Variants in MTFR1 observed in about 807,000 individuals in gnomAD.
The protein encoded by MTFR1 is mitochondrial fission regulator 1.
A neutral mutation model predicts 38.8 loss-of-function variants in MTFR1; 28 were observed. The observed-to-expected ratio is 0.72, with a 90% CI of 0.53 to 0.99. MTFR1 has a LOEUF of 0.99. MTFR1 is among the 50% of genes least tolerant of loss of function. The pLI is 0.00. For missense variants in MTFR1, 358 were observed against 395.5 expected, an observed-to-expected ratio of 0.91 and a Z score of 0.81; for synonymous variants, 145 against 137.0, an observed-to-expected ratio of 1.06 and a Z score of -0.41.
At chr8:65,676,980 G>A (rs527857075) in intron 2 of MTFR1, among the ~76,000 whole-genome samples, 3 of 150,934 alleles carry the variant, frequency 2.0e-5, no homozygotes, top group Admixed American at 6.6e-5. Flanking sequence ...GCATGTGCGC[G>A]CACACACACA....
intron 3 of MTFR1, among the ~76,000 whole-genome samples, chr8:65,741,704 G>A (rs1420916256): frequency 6.6e-6 from 1 of 152,194 alleles, no homozygotes; most frequent in Non-Finnish European, 1.5e-5. Context: ...TGAACAACGT[G>A]TCTGTTGCTA....
At chr8:65,658,965 G>A (rs992368596) in intron 1 of MTFR1, among the ~76,000 whole-genome samples, 7 of 152,126 alleles carry the variant, frequency 4.6e-5, no homozygotes, top group African/African-American at 1.7e-4. Flanking sequence ...AGGAGAAGCA[G>A]TATTCTAAAG....
Position 65,682,388 on chromosome 8 carries a change from A to G in MTFR1, c.102A>G (p.Arg34=). 1 of 1,572,838 alleles carries G rather than the reference A, an allele frequency of 6.4e-7. No individual in the cohort carries two copies. The highest frequency in any genetic ancestry group is 8.6e-7 in the Non-Finnish European group (1 of 1,158,878). The part of the protein sequence containing the change: ...LWSRKPYGSS[R]SIVRKIGTNL... ...CTAGGAAGCCATATGGTTCGTCTCG[A>G]AGTATCGTAAGGAAAATTGGTACTA... The change falls in exon 3 of 8, where the codon CGA becomes CGG. Residue 34 remains arginine, a synonymous_variant. Coordinates refer to ENST00000262146, the MANE Select transcript of MTFR1 (RefSeq NM_014637.4).
At chr8:65,684,587 G>A (rs936983298) in intron 3 of MTFR1, among the ~76,000 whole-genome samples, 10 of 151,648 alleles carry the variant, frequency 6.6e-5, no homozygotes, top group Non-Finnish European at 1.0e-4. Context: ...GTTTCTCCGT[G>A]TTGGCCAGGT....
In MTFR1 at chr8:65,707,024, A is replaced by G. The variant is rs1805798864; in HGVS notation, c.532A>G (p.Thr178Ala). 6.2e-7 allele frequency: 1 copy of G among 1,601,312 alleles called. No homozygotes were observed. The highest frequency in any genetic ancestry group is 1.7e-5 in the Admixed American group (1 of 57,474). Residue 178 changes from threonine to alanine, a missense_variant, in exon 6 of 8, where the codon ACC becomes GCC. Coordinates refer to ENST00000262146, the MANE Select transcript of MTFR1 (RefSeq NM_014637.4). ...QNLTAGDLDS[T>A]TFGTIPPHPP... ...TGTTTCTGTAGGTGACTTAGATTCT[A>G]CCACATTTGGTACCATACCACCACA...
chr8:65,685,020 A>AT (rs1354728427), intron 3 of MTFR1, among the ~76,000 whole-genome samples: 4 of 152,106 alleles, frequency 2.6e-5, no homozygotes, highest in Non-Finnish European at 4.4e-5. Context: ...AATAAAAAGC[A>AT]TTTTGTCTGC....
At chr8:65,702,005 C>G (rs1003940397) in intron 4 of MTFR1, among the ~76,000 whole-genome samples, 18 of 152,116 alleles carry the variant, frequency 1.2e-4, no homozygotes, top group African/African-American at 4.3e-4. Flanking sequence ...ATAGTATATT[C>G]AAGGGAGAAA....
chr8:65,658,557 A>G (rs561932438), intron 1 of MTFR1, among the ~76,000 whole-genome samples: 33 of 152,340 alleles, frequency 2.2e-4, no homozygotes, highest in African/African-American at 7.7e-4. Context: ...AGTCTAGAAT[A>G]TAAGCCTATA....
chr8:65,706,133 C>T (rs1360703664), intron 5 of MTFR1, among the ~76,000 whole-genome samples: 4 of 152,262 alleles, frequency 2.6e-5, no homozygotes, highest in South Asian at 2.1e-4. Context: ...GCACTCTGGG[C>T]GCTGATGCTG....
chr8:65,728,605 G>A (rs1806706178), intron 3 of MTFR1: 1 of 152,300 alleles, frequency 6.6e-6, no homozygotes, highest in Admixed American at 6.5e-5. Context: ...CTAAAGCGCT[G>A]CTTACTAATC....
At chr8:65,741,660 G>A (rs1013389662) in intron 3 of MTFR1, among the ~76,000 whole-genome samples, 2 of 152,166 alleles carry the variant, frequency 1.3e-5, no homozygotes, top group Non-Finnish European at 2.9e-5. Context: ...GTACAAACAC[G>A]AGTCCATGTG....
At chr8:65,687,109 T>C (rs1244375486) in intron 3 of MTFR1, among the ~76,000 whole-genome samples, 4 of 152,156 alleles carry the variant, frequency 2.6e-5, no homozygotes, top group Non-Finnish European at 5.9e-5. Context: ...ATTCTAAGTG[T>C]GTTACGTATA....
intron 3 of MTFR1, among the ~76,000 whole-genome samples, chr8:65,769,280 C>T (rs1180540233): frequency 6.8e-6 from 1 of 147,046 alleles, no homozygotes; most frequent in African/African-American, 2.5e-5. Flanking sequence ...GTAACAGATG[C>T]ATGCACATAT....
chr8:65,719,253 A>T (rs1370192606), intron 2 of MTFR1: 1 of 1,465,272 alleles, frequency 6.8e-7, no homozygotes, highest in Non-Finnish European at 9.6e-7. Context: ...ATTTCTAAAA[A>T]CCTCCAGGAG....
At chr8:65,682,582 G>A (rs1804934883) in intron 3 of MTFR1, 131 bp downstream of exon 3, 6 of 599,526 alleles carry the variant, frequency 1.0e-5, no homozygotes, top group Non-Finnish European at 1.4e-5. Context: ...TACAATAGAA[G>A]AGGATTAAAA....
At chr8:65,655,957 T>TATATATATAC (rs1563432819) in intron 1 of MTFR1, among the ~76,000 whole-genome samples, 3 of 35,238 alleles carry the variant, frequency 8.5e-5, no homozygotes, top group African/African-American at 8.3e-4. Flanking sequence ...AAAAAATATA[T>TATATATATAC]ATATATATAT....
chr8:65,681,406 C>T (rs1289459219), intron 2 of MTFR1, among the ~76,000 whole-genome samples: 5 of 152,182 alleles, frequency 3.3e-5, no homozygotes, highest in Non-Finnish European at 7.3e-5. Flanking sequence ...AGGCAGGAGC[C>T]GCCGCACCTG....
chr8:65,756,297 T>A (rs956989033), intron 3 of MTFR1, among the ~76,000 whole-genome samples: 1 of 152,250 alleles, frequency 6.6e-6, no homozygotes, highest in African/African-American at 2.4e-5. Flanking sequence ...TGCATATTCA[T>A]GTCTTCATCA....
chr8:65,707,761 C>G, intron 6 of MTFR1, 82 bp from the exon 7 acceptor site: 1 of 1,532,782 alleles, frequency 6.5e-7, no homozygotes, highest in Non-Finnish European at 8.8e-7. Context: ...GAGGTGCTGT[C>G]AGGCAAAAGG....
Sources: gnomAD v4.1 joint callset for allele counts (sites outside exome capture counted in the v4.1 genomes callset) on GRCh38, gnomAD v4.1.1 for gene constraint, MANE v1.5 for transcripts, NCBI Gene and HGNC (gene_info 2026-07-23, HGNC 2026-07-21) for gene names.